Variants in SYT9 observed in about 807,000 individuals in gnomAD.
The protein encoded by SYT9 is synaptotagmin 9.
Under a neutral mutation model 48.4 loss-of-function variants are expected in SYT9, and 22 were observed. That is an observed-to-expected ratio of 0.45 (90% CI 0.32 to 0.65). The LOEUF (loss-of-function observed/expected upper bound fraction) is 0.65. Ranked by LOEUF, SYT9 falls within the 30% of genes least tolerant of loss-of-function variation. The pLI is 0.03. For missense variants in SYT9, 577 were observed against 622.0 expected, an observed-to-expected ratio of 0.93 and a Z score of 0.77; for synonymous variants, 265 against 245.0, an observed-to-expected ratio of 1.08 and a Z score of -0.76.
In SYT9 at chr11:7,399,173, T is replaced by A. The variant is rs371241650; in HGVS notation, c.1045-16869T>A. ...ATTCAAGTTATTTGGAGAAACTGGATGATCATATAAGTATGAAATGCCTTA... is the reference window on the plus strand; with the variant it reads ...ATTCAAGTTATTTGGAGAAACTGGAAGATCATATAAGTATGAAATGCCTTA... On this transcript the variant is annotated intron_variant, in intron 3 of 6. Transcript: ENST00000318881. 5.3e-5 allele frequency among the ~76,000 whole-genome samples: 8 copies of A among 152,334 alleles called. 1 individual carries two copies. The East Asian group carries it at 1.3e-3, about 26-fold the overall frequency.
upstream of SYT9, among the ~76,000 whole-genome samples, chr11:7,247,819 CT>C (rs1162151460): frequency 3.3e-5 from 5 of 151,772 alleles, no homozygotes; most frequent in East Asian, 9.7e-4. Flanking sequence ...GTATAATGAC[CT>C]CTTTTGCTCT....
At chr11:7,353,358 T>A (rs1296725271) in intron 3 of SYT9, among the ~76,000 whole-genome samples, 1 of 152,052 alleles carries the variant, frequency 6.6e-6, no homozygotes, top group Non-Finnish European at 1.5e-5. Context: ...ACCCATGGCC[T>A]CTCCGGCACT....
At chr11:7,360,357 A>T (rs1850109972) in intron 3 of SYT9, among the ~76,000 whole-genome samples, 1 of 152,100 alleles carries the variant, frequency 6.6e-6, no homozygotes, top group African/African-American at 2.4e-5. Context: ...TTCCATAAGA[A>T]CTTTAAAGTA....
rs78550161 is a variant in SYT9 at position 7,377,313 on chromosome 11, G to A, written c.1045-38729G>A. Among the ~76,000 whole-genome samples, 821 of 151,838 alleles carry A rather than the reference G, an allele frequency of 5.4e-3. 3 individuals carry two copies. The highest frequency in any genetic ancestry group is 7.6e-3 in the Non-Finnish European group (516 of 67,950). On this transcript the variant is annotated intron_variant, in intron 3 of 6. Transcript: ENST00000318881. ...CAGTTTATTTAACTAGAAAGAGAGT[G>A]AGAGAGAATTATTATTGTCTCTATT...
At chr11:7,412,807 G>C (rs554842201) in intron 3 of SYT9, among the ~76,000 whole-genome samples, 222 of 152,160 alleles carry the variant, frequency 1.5e-3, no homozygotes, top group Non-Finnish European at 2.9e-3. Flanking sequence ...TAATGGGTTG[G>C]ATGGGCCAGT....
At chr11:7,370,612 A>G (rs544023201) in intron 3 of SYT9, among the ~76,000 whole-genome samples, 1 of 152,286 alleles carries the variant, frequency 6.6e-6, no homozygotes, top group Admixed American at 6.5e-5. Flanking sequence ...CAACAAACCA[A>G]TGTTTTATAA....
intron 2 of SYT9, among the ~76,000 whole-genome samples, chr11:7,307,954 C>T (rs1432689205): frequency 6.6e-6 from 1 of 152,216 alleles, no homozygotes; most frequent in Non-Finnish European, 1.5e-5. Flanking sequence ...GGCCCCAAGG[C>T]CTGATGCCTG....
intron 3 of SYT9, among the ~76,000 whole-genome samples, chr11:7,370,265 A>G (rs1369816212): frequency 2.0e-5 from 3 of 152,188 alleles, no homozygotes; most frequent in Non-Finnish European, 4.4e-5. Context: ...AGTATTTCAT[A>G]GTGGCATTGC....
At chr11:7,453,930 G>A in intron 6 of SYT9, 1 of 939,462 alleles carries the variant, frequency 1.1e-6, no homozygotes, top group Non-Finnish European at 1.3e-6. Context: ...CTCCTCAGGA[G>A]CACCAGGGAA....
At chr11:7,359,891 A>G (rs1029929039) in intron 3 of SYT9, among the ~76,000 whole-genome samples, 2 of 152,010 alleles carry the variant, frequency 1.3e-5, no homozygotes, top group African/African-American at 4.8e-5. Context: ...TTTTGTTACC[A>G]TTGCTTTTGG....
intron 5 of SYT9, among the ~76,000 whole-genome samples, chr11:7,419,619 G>A (rs767430606): frequency 3.3e-5 from 5 of 152,120 alleles, no homozygotes; most frequent in Non-Finnish European, 5.9e-5. Context: ...AGCCTTGGCC[G>A]GGCATGGTAT....
intron 3 of SYT9, among the ~76,000 whole-genome samples, chr11:7,323,205 C>T (rs1186442004): frequency 6.6e-6 from 1 of 151,910 alleles, no homozygotes; most frequent in African/African-American, 2.4e-5. Flanking sequence ...AAAGTATATA[C>T]CTAGGAATGG....
intron 6 of SYT9, among the ~76,000 whole-genome samples, chr11:7,460,403 AATTG>A (rs1195981620): frequency 3.9e-5 from 6 of 152,176 alleles, no homozygotes; most frequent in African/African-American, 1.2e-4. Context: ...TTGTTTAAGC[AATTG>A]ATTAACTACA....
At position 7,252,304 on chromosome 11, in the gene SYT9, C is replaced by A; in HGVS notation, c.118C>A (p.Arg40Ser). The A allele has an allele frequency of 6.6e-7, 1 of 1,505,716 alleles. No individual in the cohort carries two copies. Among genetic ancestry groups the A allele is most frequent in the Non-Finnish European group, 8.9e-7 (1 of 1,126,606 alleles). 93.3% of individuals were successfully genotyped at this position (1,505,716 alleles called of 1,614,324 possible). A position where few individuals can be genotyped will look rare whatever the true frequency, so the allele number is the denominator to read the frequency against. ...CQDFIYHLRD[R>S]ARPRLRDPDI... The stretch of plus-strand genomic sequence containing the variant: ...GGATTTCATTTACCACCTGCGGGAC[C>A]GTGCCAGACCCCGGCTCCGCGACCC... Residue 40 changes from arginine (R) to serine (S), a missense_variant, in exon 1 of 7, where the codon CGT becomes AGT. Physicochemically the swap from Arg to Ser is moderately radical, Grantham distance 110. Coordinates refer to ENST00000318881, the MANE Select transcript of SYT9 (RefSeq NM_175733.4). The surrounding 1 kb of genome is among the most constrained non-coding windows in gnomAD (Gnocchi z 6.3).
intron 3 of SYT9, among the ~76,000 whole-genome samples, chr11:7,332,755 A>C (rs1205091287): frequency 2.0e-5 from 3 of 152,174 alleles, no homozygotes; most frequent in Admixed American, 6.5e-5. Flanking sequence ...TCACACAGTT[A>C]AATTATTCCA....
At chr11:7,393,762 A>G (rs1301538488) in intron 3 of SYT9, among the ~76,000 whole-genome samples, 1 of 151,700 alleles carries the variant, frequency 6.6e-6, no homozygotes, top group African/African-American at 2.4e-5. Flanking sequence ...TACTGATTCA[A>G]TTTCTGAGCT....
At chr11:7,238,930 T>G (rs1015534320) in intron 1 of SYT9, 1 of 456,076 alleles carries the variant, frequency 2.2e-6, no homozygotes. Flanking sequence ...AAGTTGCTAG[T>G]GGGGAATCTT....
Position 7,418,012 on chromosome 11 carries a change from A to G in SYT9, c.1221A>G (p.Lys407=). 6.2e-7 allele frequency: 1 copy of G among 1,614,176 alleles called. No individual in the cohort carries two copies. The highest frequency in any genetic ancestry group is 8.5e-7 in the Non-Finnish European group (1 of 1,180,016). ...MCDGRRLKKR[K]TSTKRNTLNP... ...ATGGCAGACGACTGAAGAAGAGGAA[A>G]ACATCCACCAAGAGGAACACCTTGA... Residue 407 remains lysine (K), a synonymous_variant, in exon 5 of 7, where the codon AAA becomes AAG. Transcript: ENST00000318881.
At chr11:7,344,440 G>A (rs1184168280) in intron 3 of SYT9, among the ~76,000 whole-genome samples, 2 of 152,064 alleles carry the variant, frequency 1.3e-5, no homozygotes, top group Non-Finnish European at 2.9e-5. Flanking sequence ...TATAGGGTAT[G>A]TTTTCAGTGG....
Sources: gnomAD v4.1 joint callset for allele counts (sites outside exome capture counted in the v4.1 genomes callset) on GRCh38, gnomAD v4.1.1 for gene constraint, Gnocchi (gnomAD v3.1) non-coding constraint, MANE v1.5 for transcripts, NCBI Gene and HGNC (gene_info 2026-07-23, HGNC 2026-07-21) for gene names.